Variants in RUSC2 observed in about 807,000 individuals in gnomAD.
The protein encoded by RUSC2 is RUN and SH3 domain containing 2.
A neutral mutation model predicts 122.2 loss-of-function variants in RUSC2; 34 were observed. That is an observed-to-expected ratio of 0.28 (90% CI 0.21 to 0.37). The LOEUF (loss-of-function observed/expected upper bound fraction) is 0.37. Among genes scored for constraint, RUSC2 ranks in the 10% least tolerant of loss-of-function variants. The pLI, the probability that RUSC2 is intolerant of heterozygous loss-of-function variation, is 1.00. For missense variants in RUSC2, 1,747 were observed against 1,952.4 expected (o/e 0.89, Z 1.98); for synonymous variants, 784 against 790.0 (o/e 0.99, Z 0.13).
chr9:35,522,925 C>CCACCTCTG (rs1190012056), intron 1 of RUSC2, among the ~76,000 whole-genome samples: 1 of 152,170 alleles, frequency 6.6e-6, no homozygotes, highest in Non-Finnish European at 1.5e-5. Flanking sequence ...TGATTTCAAT[C>CCACCTCTG]CACCTCTGTC....
In RUSC2 at chr9:35,548,208, C is replaced by G. The variant is rs761344885; in HGVS notation, c.1687C>G (p.Arg563Gly). 8.1e-6 allele frequency: 13 copies of G among 1,613,158 alleles called. No homozygotes were observed. The Middle Eastern group carries it at 6.6e-4, about 82-fold the overall frequency. ...KTGGSGSPPL[R>G]VSVGDSSQEF... The stretch of plus-strand genomic sequence containing the variant: ...TGGAGGCTCTGGCTCGCCCCCACTT[C>G]GTGTGAGTGTTGGGGACTCCTCCCA... The change falls in exon 2 of 12, where the codon CGT becomes GGT. Residue 563 changes from arginine (R) to glycine (G), a missense_variant. Coordinates refer to ENST00000361226, the MANE Select transcript of RUSC2 (RefSeq NM_014806.5). This position sits in a 1 kb window ranked among gnomAD's most constrained non-coding sequence, Gnocchi z 4.5.
intron 1 of RUSC2, among the ~76,000 whole-genome samples, chr9:35,525,011 A>G (rs972932698): frequency 1.3e-5 from 2 of 152,008 alleles, no homozygotes; most frequent in African/African-American, 4.8e-5. Flanking sequence ...GGCTACTGAT[A>G]TAAAAATGAG....
At position 35,556,209 on chromosome 9, in the gene RUSC2, A is replaced by G. The variant is rs369049164; in HGVS notation, c.2842+72A>G. 1.6e-5 allele frequency: 25 copies of G among 1,598,686 alleles called. No homozygotes were observed. The African/African-American group carries it at 3.3e-4, about 21-fold the overall frequency. On this transcript the variant is annotated intron_variant, in intron 4 of 11. Coordinates refer to ENST00000361226, the MANE Select transcript of RUSC2 (RefSeq NM_014806.5). ...GCTGGAAAGGGCTAGAGAAGGGGTCAGTCCCAAAGGAACGTGTCTCAGACG... is the reference window on the plus strand; with the variant it reads ...GCTGGAAAGGGCTAGAGAAGGGGTCGGTCCCAAAGGAACGTGTCTCAGACG...
At chr9:35,541,606 C>T (rs1026066694) in intron 1 of RUSC2, among the ~76,000 whole-genome samples, 1 of 151,894 alleles carries the variant, frequency 6.6e-6, no homozygotes, top group African/African-American at 2.4e-5. Flanking sequence ...GCCACCACAC[C>T]CAGCTAATTT....
intron 1 of RUSC2, among the ~76,000 whole-genome samples, chr9:35,528,811 C>T (rs1271019828): frequency 6.6e-6 from 1 of 152,110 alleles, no homozygotes; most frequent in Non-Finnish European, 1.5e-5. Flanking sequence ...AAGGGCCGGG[C>T]ATGGTGTCTC....
chr9:35,556,606 T>G (rs1330123815), intron 5 of RUSC2, among the ~76,000 whole-genome samples, 158 bp downstream of exon 5: 2 of 151,898 alleles, frequency 1.3e-5, no homozygotes, highest in South Asian at 2.1e-4. Flanking sequence ...AGGTGGATCA[T>G]GAGGTCAGGA....
Position 35,555,673 on chromosome 9 carries a change from G to A in RUSC2, c.2628G>A (p.Glu876=), listed in dbSNP as rs1822000633. 4.4e-6 allele frequency: 7 copies of A among 1,597,112 alleles called. No individual in the cohort carries two copies. In the East Asian group the frequency reaches 1.6e-4, roughly 36 times the overall value. The part of the protein sequence containing the change: ...RAESLARGGG[E]GSMATRPSNA... ...AGAGCCTGGCCCGGGGAGGTGGTGA[G>A]GGCAGCATGGCCACCAGGCCCAGTA... Residue 876 remains glutamate (E), a synonymous_variant, in exon 3 of 12, where the codon GAG becomes GAA. Coordinates refer to ENST00000361226, the MANE Select transcript of RUSC2 (RefSeq NM_014806.5). This position sits in a 1 kb window ranked among gnomAD's most constrained non-coding sequence, Gnocchi z 4.6.
Position 35,555,279 on chromosome 9 carries a change from C to A in RUSC2, c.2234C>A (p.Ala745Asp), listed in dbSNP as rs777700666. Residue 745 changes from alanine (A) to aspartate (D), a missense_variant, in exon 3 of 12, where the codon GCT becomes GAT. Transcript: ENST00000361226. This position sits in a 1 kb window ranked among gnomAD's most constrained non-coding sequence, Gnocchi z 4.6. ...CCTGCTGCTCAAGTCTCAGTCCCAG[C>A]TCCCTCAGGGGAACCGCAGGCATCC... ...AAPAAQVSVP[A>D]PSGEPQASTP... 6.2e-7 allele frequency: 1 copy of A among 1,613,728 alleles called. No individual in the cohort carries two copies. Among genetic ancestry groups the A allele is most frequent in the Non-Finnish European group, 8.5e-7 (1 of 1,180,020 alleles).
At chr9:35,490,953 GTGGAGGGTCTTCACTACCAGT>G (rs1465572500) in intron 1 of RUSC2, among the ~76,000 whole-genome samples, 3 of 152,154 alleles carry the variant, frequency 2.0e-5, no homozygotes, top group African/African-American at 7.2e-5. Flanking sequence ...AGTGTTGCTG[GTGGAGGGTCTTCACTACCAGT>G]TGTCCTTTGC....
intron 1 of RUSC2, among the ~76,000 whole-genome samples, chr9:35,508,137 A>G (rs1820949758): frequency 6.6e-6 from 1 of 152,110 alleles, no homozygotes; most frequent in Non-Finnish European, 1.5e-5. Flanking sequence ...GGAAGCCATC[A>G]TATGTGAGCT....
At chr9:35,527,000 T>C (rs1821337207) in intron 1 of RUSC2, among the ~76,000 whole-genome samples, 1 of 152,206 alleles carries the variant, frequency 6.6e-6, no homozygotes, top group Non-Finnish European at 1.5e-5. Flanking sequence ...TTCTATCTTA[T>C]CTCTTAACTT....
chr9:35,522,431 C>G (rs1302724874), intron 1 of RUSC2, among the ~76,000 whole-genome samples: 2 of 152,218 alleles, frequency 1.3e-5, no homozygotes, highest in African/African-American at 4.8e-5. Context: ...CTGCTTCAAC[C>G]AGGGTAGCTG....
At chr9:35,490,539 C>T (rs961154478) in intron 1 of RUSC2, among the ~76,000 whole-genome samples, 1 of 152,160 alleles carries the variant, frequency 6.6e-6, no homozygotes, top group East Asian at 1.9e-4. Flanking sequence ...CAGTAGTCAC[C>T]TTGGTACCCC....
intron 1 of RUSC2, among the ~76,000 whole-genome samples, chr9:35,494,916 A>G (rs1379137780): frequency 2.2e-5 from 3 of 133,892 alleles, no homozygotes; most frequent in East Asian, 2.0e-4. Context: ...AATATATATT[A>G]TACATATTAT....
intron 1 of RUSC2, among the ~76,000 whole-genome samples, chr9:35,513,946 A>G (rs1021354912): frequency 7.2e-6 from 1 of 138,066 alleles, no homozygotes; most frequent in Non-Finnish European, 1.6e-5. Context: ...ATATTACTTT[A>G]TGTGTCTTTA....
At chr9:35,549,903 A>C (rs1409932590) in intron 2 of RUSC2, among the ~76,000 whole-genome samples, 1 of 103,518 alleles carries the variant, frequency 9.7e-6, no homozygotes, top group Non-Finnish European at 2.2e-5. Flanking sequence ...TTGTTCCTTC[A>C]GGCCTTGTTT....
intron 1 of RUSC2, among the ~76,000 whole-genome samples, chr9:35,521,125 AT>A (rs201343098): frequency 1.3e-5 from 2 of 151,930 alleles, no homozygotes; most frequent in Non-Finnish European, 2.9e-5. Flanking sequence ...GCAGGAGGTC[AT>A]TTTTTTTAAC....
intron 1 of RUSC2, among the ~76,000 whole-genome samples, chr9:35,518,722 T>C (rs1821154381): frequency 6.6e-6 from 1 of 152,202 alleles, no homozygotes; most frequent in Non-Finnish European, 1.5e-5. Flanking sequence ...TTGATGTACG[T>C]GCTAAAAACT....
chr9:35,549,996 C>T (rs940588900), intron 2 of RUSC2, among the ~76,000 whole-genome samples: 1 of 152,000 alleles, frequency 6.6e-6, no homozygotes, highest in African/African-American at 2.4e-5. Context: ...CGGATCACCT[C>T]AGGTCAGGTT....
Sources: gnomAD v4.1 joint callset for allele counts (sites outside exome capture counted in the v4.1 genomes callset) on GRCh38, gnomAD v4.1.1 for gene constraint, Gnocchi (gnomAD v3.1) non-coding constraint, MANE v1.5 for transcripts, NCBI Gene and HGNC (gene_info 2026-07-23, HGNC 2026-07-21) for gene names.